Variants in KALRN observed in about 807,000 individuals in gnomAD.
KALRN encodes kalirin.
A neutral mutation model predicts 353.7 loss-of-function variants in KALRN; 70 were observed. The observed-to-expected ratio is 0.20, with a 90% CI of 0.16 to 0.24. The LOEUF (loss-of-function observed/expected upper bound fraction) is 0.24, where lower values mean the gene tolerates loss of function less well. Ranked by LOEUF, KALRN falls within the 10% of genes least tolerant of loss-of-function variation. KALRN has a pLI of 1.00. For missense variants in KALRN, 2,791 were observed against 3,756.7 expected, an observed-to-expected ratio of 0.74 and a Z score of 6.72; for synonymous variants, 1,391 against 1,434.8, an observed-to-expected ratio of 0.97 and a Z score of 0.69.
At chr3:124,186,086 G>T (rs2074194168) in intron 1 of KALRN, among the ~76,000 whole-genome samples, 1 of 152,150 alleles carries the variant, frequency 6.6e-6, no homozygotes, top group African/African-American at 2.4e-5. Context: ...TTTTACCATG[G>T]TTTCTTCATC....
chr3:124,269,034 G>A lies in KALRN; in HGVS notation c.748G>A (p.Glu250Lys). The change falls in exon 5 of 60, where the codon GAG (glutamate) becomes AAG (lysine). Residue 250 changes from glutamate (E) to lysine (K), a missense_variant. Glu to Lys is a moderately conservative substitution (Grantham distance 56, BLOSUM62 1). This residue lies in a region of KALRN where 366 missense variants were observed against 489.2 expected (regional missense o/e 0.75). Coordinates refer to ENST00000682506, the MANE Select transcript of KALRN (RefSeq NM_001388419.1). Reference protein sequence around the residue: ...LKAPVEELDREGQRLLQCIRC... With the variant: ...LKAPVEELDRKGQRLLQCIRC... ...GGCCCCTGTGGAGGAGCTGGACCGG[G>A]AGGGGCAGCGGCTGCTGCAGTGCAT... The A allele has an allele frequency of 1.2e-6, 2 of 1,613,424 alleles. No individual in the cohort carries two copies. Among genetic ancestry groups the A allele is most frequent in the Non-Finnish European group, 1.7e-6 (2 of 1,179,824 alleles).
chr3:124,072,833 G>T (rs148510975), intron 1 of KALRN, among the ~76,000 whole-genome samples: 239 of 152,340 alleles, frequency 1.6e-3, no homozygotes, highest in African/African-American at 5.3e-3. Flanking sequence ...TTGCTGGCCA[G>T]CCAGGGCACT....
intron 1 of KALRN, among the ~76,000 whole-genome samples, chr3:124,168,039 G>T (rs974328737): frequency 1.3e-5 from 2 of 152,176 alleles, no homozygotes; most frequent in South Asian, 4.1e-4. Flanking sequence ...CTGTGACTTT[G>T]TGTTGGGAAG....
chr3:124,363,755 CA>C (rs1476757234), intron 10 of KALRN, among the ~76,000 whole-genome samples: 1 of 152,200 alleles, frequency 6.6e-6, no homozygotes, highest in African/African-American at 2.4e-5. Flanking sequence ...GCCAGATTCC[CA>C]TGTGTAGCAG....
intron 1 of KALRN, chr3:124,095,822 G>T (rs1185141622): frequency 6.6e-6 from 1 of 152,062 alleles, no homozygotes; most frequent in African/African-American, 2.4e-5. Context: ...GCAAGAATGA[G>T]ATCAAACTCC....
chr3:124,382,495 C>T (rs896328044), intron 10 of KALRN, among the ~76,000 whole-genome samples: 1 of 152,086 alleles, frequency 6.6e-6, no homozygotes, highest in African/African-American at 2.4e-5. Context: ...TTTCCCAGGA[C>T]CGAGGGGATT....
chr3:124,304,808 C>A (rs1261915978), intron 6 of KALRN, among the ~76,000 whole-genome samples: 1 of 152,188 alleles, frequency 6.6e-6, no homozygotes, highest in African/African-American at 2.4e-5. Flanking sequence ...TTACCCTCCA[C>A]CCTAGTTCCC....
chr3:124,583,815 C>T (rs2074852891), intron 34 of KALRN, among the ~76,000 whole-genome samples: 1 of 152,168 alleles, frequency 6.6e-6, no homozygotes, highest in Non-Finnish European at 1.5e-5. Flanking sequence ...TCGGGCCCCA[C>T]CTCCTACCTA....
intron 25 of KALRN, among the ~76,000 whole-genome samples, chr3:124,473,632 G>A (rs1296933558): frequency 6.6e-6 from 1 of 152,184 alleles, no homozygotes; most frequent in Non-Finnish European, 1.5e-5. Flanking sequence ...ATATAGCTCT[G>A]TGGATGTACC....
chr3:124,614,389 C>T (rs1175740934), intron 34 of KALRN, among the ~76,000 whole-genome samples: 1 of 151,694 alleles, frequency 6.6e-6, no homozygotes, highest in Non-Finnish European at 1.5e-5. Flanking sequence ...CCACCTCAGC[C>T]TCTCAAGTAG....
At chr3:124,539,013 G>A (rs573688133) in intron 33 of KALRN, among the ~76,000 whole-genome samples, 1 of 152,296 alleles carries the variant, frequency 6.6e-6, no homozygotes, top group South Asian at 2.1e-4. Context: ...GCTGTCGCAT[G>A]GTGCCTGGGG....
intron 15 of KALRN, among the ~76,000 whole-genome samples, chr3:124,427,778 G>A (rs2093089163): frequency 6.6e-6 from 1 of 152,184 alleles, no homozygotes; most frequent in South Asian, 2.1e-4. Flanking sequence ...AGATGTAGGG[G>A]CACTCTTTGA....
chr3:124,224,305 C>T (rs1179265765), intron 1 of KALRN, among the ~76,000 whole-genome samples: 2 of 149,804 alleles, frequency 1.3e-5, no homozygotes, highest in Non-Finnish European at 1.5e-5. Flanking sequence ...TTCCCTGGGC[C>T]ACATTGAAAG....
chr3:124,142,761 C>T (rs886261221), intron 1 of KALRN, among the ~76,000 whole-genome samples: 1 of 152,110 alleles, frequency 6.6e-6, no homozygotes, highest in African/African-American at 2.4e-5. Context: ...CCACCCCCCA[C>T]CCACTCCCTG....
At chr3:124,385,560 T>C (rs745387167) in intron 11 of KALRN, among the ~76,000 whole-genome samples, 16 of 152,158 alleles carry the variant, frequency 1.1e-4, no homozygotes, top group Non-Finnish European at 2.1e-4. Flanking sequence ...CAGGGTGATA[T>C]TAAAGTTGGT....
At chr3:124,643,355 T>C (rs2082323502) in intron 37 of KALRN, among the ~76,000 whole-genome samples, 1 of 152,040 alleles carries the variant, frequency 6.6e-6, no homozygotes, top group Non-Finnish European at 1.5e-5. Flanking sequence ...ATCTGAAATG[T>C]CATTGGCCTG....
At chr3:124,669,139 G>A (rs1215361936) in intron 47 of KALRN, among the ~76,000 whole-genome samples, 1 of 152,186 alleles carries the variant, frequency 6.6e-6, no homozygotes, top group Non-Finnish European at 1.5e-5. Context: ...GTGAGGAAAA[G>A]GAGACTCAGA....
chr3:124,615,929 GA>G (rs1281462252), intron 34 of KALRN, among the ~76,000 whole-genome samples: 2 of 152,146 alleles, frequency 1.3e-5, no homozygotes, highest in Non-Finnish European at 2.9e-5. Flanking sequence ...AGACCTAGAA[GA>G]AAACCCACTT....
chr3:124,287,591 G>T (rs532104131), intron 5 of KALRN, among the ~76,000 whole-genome samples: 1 of 151,290 alleles, frequency 6.6e-6, no homozygotes, highest in East Asian at 2.0e-4. Context: ...GGTCTATCTT[G>T]GTTATTGACC....
Sources: gnomAD v4.1 joint callset for allele counts (sites outside exome capture counted in the v4.1 genomes callset) on GRCh38, gnomAD v4.1.1 for gene constraint, gnomAD v4.1.1 regional missense constraint, MANE v1.5 for transcripts, NCBI Gene and HGNC (gene_info 2026-07-23, HGNC 2026-07-21) for gene names.